Variants in SMURF1 observed in about 807,000 individuals in gnomAD.
SMURF1 encodes SMAD specific E3 ubiquitin protein ligase 1.
SMURF1 carries 44 observed loss-of-function variants against 98.0 expected under a neutral mutation model. That is an observed-to-expected ratio of 0.45 (90% CI 0.35 to 0.58). The LOEUF (loss-of-function observed/expected upper bound fraction) is 0.58, where lower values mean the gene tolerates loss of function less well. SMURF1 is among the 20% of genes least tolerant of loss of function. SMURF1 has a pLI of 0.00. For synonymous variants in SMURF1, 396 were observed against 374.9 expected (o/e 1.06, Z -0.65); for missense variants, 687 against 938.4 (o/e 0.73, Z 3.50).
intron 17 of SMURF1, chr7:99,031,030 T>A (rs948932300): frequency 1.0e-5 from 2 of 192,018 alleles, no homozygotes; most frequent in African/African-American, 4.7e-5. Context: ...AACCAAAACA[T>A]AACCAAGTTA....
chr7:99,078,970 C>T (rs966304182), intron 1 of SMURF1, among the ~76,000 whole-genome samples: 1 of 152,230 alleles, frequency 6.6e-6, no homozygotes, highest in African/African-American at 2.4e-5. Context: ...GAAACTGGTC[C>T]CTGGTGCCAA....
intron 1 of SMURF1, among the ~76,000 whole-genome samples, chr7:99,076,799 G>A (rs868183332): frequency 1.6e-4 from 24 of 152,200 alleles, no homozygotes; most frequent in South Asian, 8.3e-4. Context: ...GTGTGTGTGC[G>A]CATGTGTGCA....
intron 1 of SMURF1, among the ~76,000 whole-genome samples, chr7:99,085,353 C>CAAAAAAAAAA (rs992976220): frequency 9.6e-5 from 5 of 52,130 alleles, no homozygotes; most frequent in Non-Finnish European, 1.5e-4. Context: ...AACTCCATCT[C>CAAAAAAAAAA]AAAAAAAAAA....
intron 1 of SMURF1, among the ~76,000 whole-genome samples, chr7:99,066,650 C>T (rs906259963): frequency 1.3e-5 from 2 of 151,834 alleles, no homozygotes; most frequent in African/African-American, 4.8e-5. Context: ...AGGTGGTAGG[C>T]GACTGTAGTC....
chr7:99,135,023 G>A (rs1797958626), intron 1 of SMURF1, among the ~76,000 whole-genome samples: 1 of 152,172 alleles, frequency 6.6e-6, no homozygotes, highest in Admixed American at 6.5e-5. Context: ...ATTTTATTCT[G>A]TAGAACCCAG....
intron 1 of SMURF1, among the ~76,000 whole-genome samples, chr7:99,138,164 T>G (rs1798037839): frequency 6.6e-6 from 1 of 150,920 alleles, no homozygotes; most frequent in Non-Finnish European, 1.5e-5. Flanking sequence ...TAAAATGGTT[T>G]TGAAATTATA....
chr7:99,071,351 C>G (rs774457643), intron 1 of SMURF1, among the ~76,000 whole-genome samples: 10 of 152,090 alleles, frequency 6.6e-5, no homozygotes, highest in Non-Finnish European at 1.0e-4. Context: ...TGAGCCACCG[C>G]GCCCGGCCAA....
At chr7:99,088,257 C>CAA (rs537503861) in intron 1 of SMURF1, among the ~76,000 whole-genome samples, 2 of 131,362 alleles carry the variant, frequency 1.5e-5, no homozygotes, top group African/African-American at 2.8e-5. Context: ...GACTCTGTCT[C>CAA]AAAAAAAAAA....
At position 99,143,721 on chromosome 7, in the gene SMURF1, C is replaced by G; in HGVS notation, c.55+5G>C. ...GGGCGCGGGTGGGCCTCCCGCCGGCCGTACCTGTCAGACGGATCTTGATGC... is the reference window on the plus strand; with the variant it reads ...GGGCGCGGGTGGGCCTCCCGCCGGCGGTACCTGTCAGACGGATCTTGATGC... On this transcript the variant is annotated splice_donor_5th_base_variant and intron_variant, in intron 1 of 17. Transcript: ENST00000361368. The G allele has an allele frequency of 6.4e-7, 1 of 1,555,112 alleles. No homozygotes were observed. Among genetic ancestry groups the G allele is most frequent in the Non-Finnish European group, 8.7e-7 (1 of 1,153,650 alleles).
chr7:99,042,887 T>C (rs114240554), intron 11 of SMURF1, among the ~76,000 whole-genome samples: 2,254 of 152,258 alleles, frequency 0.015, 49 homozygotes, highest in African/African-American at 0.051. Context: ...CAGACACAAA[T>C]GCAGATAATC....
chr7:99,049,202 C>T, intron 9 of SMURF1: 1 of 197,140 alleles, frequency 5.1e-6, no homozygotes, highest in Non-Finnish European at 1.0e-5. Context: ...TATCCAGTTC[C>T]CCACCGTGCA....
At chr7:99,070,167 G>A (rs1053131416) in intron 1 of SMURF1, among the ~76,000 whole-genome samples, 2 of 152,336 alleles carry the variant, frequency 1.3e-5, no homozygotes, top group East Asian at 3.9e-4. Context: ...AAACGTGGCA[G>A]GGTTAGGCAG....
At chr7:99,100,077 C>T (rs991793707) in intron 1 of SMURF1, among the ~76,000 whole-genome samples, 1 of 142,336 alleles carries the variant, frequency 7.0e-6, no homozygotes. Flanking sequence ...ATCACATTTA[C>T]AGTAATCTTA....
chr7:99,047,922 GGCCAGGGGA>G (rs770854293), intron 9 of SMURF1, 40 bp from the exon 10 acceptor site: 2 of 1,599,270 alleles, frequency 1.3e-6, no homozygotes, highest in Admixed American at 1.7e-5. Flanking sequence ...CCGAAGCCCC[GGCCAGGGGA>G]GCTGCAAGCA....
At chr7:99,033,159 T>TA (rs781397413) in intron 16 of SMURF1, 38 bp from the exon 17 acceptor site, 1 of 1,547,852 alleles carries the variant, frequency 6.5e-7, no homozygotes, top group South Asian at 1.2e-5. Flanking sequence ...ACTTCAGAGT[T>TA]ACAGCCGTGG....
chr7:99,050,745 G>A, intron 8 of SMURF1: 1 of 569,602 alleles, frequency 1.8e-6, no homozygotes, highest in Non-Finnish European at 3.1e-6. Flanking sequence ...ACATAGTCTT[G>A]GAAAATCAGA....
intron 1 of SMURF1, among the ~76,000 whole-genome samples, chr7:99,141,970 TG>T (rs1798128583): frequency 6.6e-6 from 1 of 152,176 alleles, no homozygotes; most frequent in Non-Finnish European, 1.5e-5. Flanking sequence ...TATTCGAGTT[TG>T]GAAAGTCCCG....
chr7:99,067,273 G>C (rs927621394), intron 1 of SMURF1, among the ~76,000 whole-genome samples: 3 of 151,602 alleles, frequency 2.0e-5, no homozygotes, highest in Non-Finnish European at 4.4e-5. Flanking sequence ...TGGGATTACA[G>C]GTGTGAGCCA....
intron 1 of SMURF1, among the ~76,000 whole-genome samples, chr7:99,084,229 TAA>T (rs1387278603): frequency 1.4e-4 from 22 of 152,244 alleles, no homozygotes; most frequent in Non-Finnish European, 3.1e-4. Flanking sequence ...CTTTGACACA[TAA>T]ATCTATATTA....
Sources: allele counts gnomAD v4.1 joint callset (sites outside exome capture counted in the v4.1 genomes callset), GRCh38; gene constraint gnomAD v4.1.1; transcripts MANE v1.5; gene names NCBI Gene and HGNC (gene_info 2026-07-23, HGNC 2026-07-21).